Variants in TRIM37 observed in about 807,000 individuals in gnomAD.
The protein encoded by TRIM37 is E3 ubiquitin-protein ligase TRIM37.
Under a neutral mutation model 129.8 loss-of-function variants are expected in TRIM37, and 80 were observed. The observed-to-expected ratio is 0.62, with a 90% CI of 0.51 to 0.74. The LOEUF is 0.74. TRIM37 is among the 30% of genes least tolerant of loss of function. The pLI, the probability that TRIM37 is intolerant of heterozygous loss-of-function variation, is 0.00. For synonymous variants in TRIM37, 389 were observed against 387.1 expected (o/e 1.00, Z -0.06); for missense variants, 1,054 against 1,176.5 (o/e 0.90, Z 1.52).
At chr17:59,076,439 G>A (rs536553910) in intron 7 of TRIM37, among the ~76,000 whole-genome samples, 17 of 152,302 alleles carry the variant, frequency 1.1e-4, no homozygotes, top group Admixed American at 2.0e-4. Flanking sequence ...TACTCAAGAG[G>A]CTGAGGCATG....
intron 21 of TRIM37, among the ~76,000 whole-genome samples, chr17:59,014,367 T>C (rs1342798633): frequency 6.6e-6 from 1 of 152,212 alleles, no homozygotes. Context: ...ATCCATAAAA[T>C]AGATAAGCAG....
intron 4 of TRIM37, among the ~76,000 whole-genome samples, chr17:59,085,642 A>G (rs1338941778): frequency 1.3e-5 from 2 of 152,196 alleles, no homozygotes; most frequent in Non-Finnish European, 2.9e-5. Context: ...AGATTCCTCA[A>G]AAACTTAAAT....
chr17:59,081,320 C>A, intron 5 of TRIM37, 101 bp from the exon 6 acceptor site: 1 of 1,495,604 alleles, frequency 6.7e-7, no homozygotes, highest in South Asian at 1.2e-5. Flanking sequence ...GTAAATCTCT[C>A]AAATGAACTT....
intron 13 of TRIM37, among the ~76,000 whole-genome samples, chr17:59,052,018 T>A (rs1328436729): frequency 6.6e-6 from 1 of 152,168 alleles, no homozygotes; most frequent in Non-Finnish European, 1.5e-5. Context: ...CCACCCAGGA[T>A]TGCTTTACTA....
chr17:59,027,404 A>G (rs2145483875), intron 19 of TRIM37, among the ~76,000 whole-genome samples: 1 of 152,320 alleles, frequency 6.6e-6, no homozygotes, highest in South Asian at 2.1e-4. Context: ...GGTTCTGAGA[A>G]AGAACTCAGC....
chr17:58,970,296 G>GT, the TRIM37 span, among the ~76,000 whole-genome samples: 6 of 151,946 alleles, frequency 3.9e-5, no homozygotes, highest in African/African-American at 1.2e-4. Context: ...TCAGACCTAA[G>GT]TTTTTTTTAC....
At chr17:59,008,996 C>T (rs1004872457) in intron 22 of TRIM37, among the ~76,000 whole-genome samples, 1 of 152,194 alleles carries the variant, frequency 6.6e-6, no homozygotes, top group Admixed American at 6.5e-5. Context: ...CAGTCTTCAT[C>T]TGGCTAACTC....
At chr17:59,004,038 G>T (rs2034144690) in intron 22 of TRIM37, among the ~76,000 whole-genome samples, 2 of 152,186 alleles carry the variant, frequency 1.3e-5, no homozygotes, top group South Asian at 4.1e-4. Flanking sequence ...GAGCCCAGGA[G>T]TTCAAGCCTG....
intron 19 of TRIM37, among the ~76,000 whole-genome samples, chr17:59,020,659 G>A (rs1187545919): frequency 1.3e-5 from 2 of 151,952 alleles, no homozygotes; most frequent in African/African-American, 4.8e-5. Flanking sequence ...TTAAAAATGG[G>A]TAAAAATCTG....
chr17:59,017,249 T>C lies in TRIM37; in HGVS notation c.2386+47A>G, dbSNP rs148845772. 1.6e-4 allele frequency: 252 copies of C among 1,600,118 alleles called. 1 individual carries two copies. The African/African-American group carries it at 2.8e-3, about 18-fold the overall frequency. ...CCACGATAACATCAATTTCAGGTAA[T>C]AAATATTTACCCCACTAAAAGTACA... On this transcript the variant is annotated intron_variant, in intron 20 of 23. Transcript: ENST00000262294.
exon 25 of TRIM37, chr17:58,982,840 G>C (rs2031441150): frequency 7.0e-7 from 1 of 1,423,038 alleles, no homozygotes; most frequent in Non-Finnish European, 9.7e-7. Context: ...CCCCACACAT[G>C]GTCCTCACTC....
intron 16 of TRIM37, among the ~76,000 whole-genome samples, chr17:59,045,553 C>T (rs552591824): frequency 6.0e-5 from 9 of 150,280 alleles, no homozygotes; most frequent in South Asian, 4.2e-4. Context: ...GCAGGAGAAT[C>T]GCCTGAACCC....
intron 4 of TRIM37, among the ~76,000 whole-genome samples, chr17:59,086,459 G>A (rs1322181905): frequency 3.3e-5 from 5 of 151,962 alleles, no homozygotes; most frequent in African/African-American, 9.7e-5. Flanking sequence ...GGCTGGTCTC[G>A]AACTCCTGAC....
At chr17:59,027,388 A>C (rs1381094158) in intron 19 of TRIM37, among the ~76,000 whole-genome samples, 3 of 152,102 alleles carry the variant, frequency 2.0e-5, no homozygotes, top group Non-Finnish European at 4.4e-5. Context: ...AGGCTTTTTC[A>C]ACTATGGTTC....
intron 17 of TRIM37, among the ~76,000 whole-genome samples, chr17:59,039,732 A>G (rs1191248454): frequency 6.6e-6 from 1 of 152,134 alleles, no homozygotes; most frequent in East Asian, 1.9e-4. Context: ...TGACTAAAGA[A>G]TGATACAGAG....
intron 19 of TRIM37, 128 bp downstream of exon 19, chr17:59,028,287 A>T: frequency 1.2e-6 from 1 of 838,884 alleles, no homozygotes; most frequent in South Asian, 1.7e-5. Flanking sequence ...TGAAGAAAAA[A>T]GTCACATGTA....
At chr17:59,067,661 G>A (rs186963590) in intron 9 of TRIM37, among the ~76,000 whole-genome samples, 70 of 152,024 alleles carry the variant, frequency 4.6e-4, no homozygotes, top group African/African-American at 1.7e-3. Context: ...CTCAGCCTCC[G>A]GAGTAGCTGG....
chr17:58,977,314 G>A, the TRIM37 span, among the ~76,000 whole-genome samples: 26 of 151,792 alleles, frequency 1.7e-4, no homozygotes, highest in Admixed American at 1.1e-3. Flanking sequence ...ATTGTGGTGC[G>A]TGCCTGTAAT....
At chr17:59,049,148 A>T in intron 15 of TRIM37, 30 bp downstream of exon 15, 1 of 1,585,590 alleles carries the variant, frequency 6.3e-7, no homozygotes, top group Admixed American at 1.7e-5. Flanking sequence ...TTAATCAAAC[A>T]CAAAAATCTA....
Sources: gnomAD v4.1 joint callset for allele counts (sites outside exome capture counted in the v4.1 genomes callset) on GRCh38, gnomAD v4.1.1 for gene constraint, MANE v1.5 for transcripts, NCBI Gene and HGNC (gene_info 2026-07-23, HGNC 2026-07-21) for gene names.